The following TMTC3 variants were observed in gnomAD, a reference collection of about 807,000 sequenced individuals.
TMTC3 encodes protein O-mannosyl-transferase TMTC3.
In TMTC3, 52 loss-of-function variants were observed where a neutral mutation model predicts 92.2. That is an observed-to-expected ratio of 0.56 (90% confidence interval 0.45 to 0.71). The LOEUF is 0.71. Ranked by LOEUF, TMTC3 falls within the 30% of genes least tolerant of loss-of-function variation. TMTC3 has a pLI of 0.00. For missense variants in TMTC3, 896 were observed against 1,057.1 expected, an observed-to-expected ratio of 0.85 and a Z score of 2.11; for synonymous variants, 339 against 363.3, an observed-to-expected ratio of 0.93 and a Z score of 0.76.
At chr12:88,149,493 A>T (rs1448084214) in intron 2 of TMTC3, among the ~76,000 whole-genome samples, 3 of 152,216 alleles carry the variant, frequency 2.0e-5, no homozygotes, top group African/African-American at 7.2e-5. Flanking sequence ...CTAAAATTCT[A>T]TATTAATAAA....
rs1246409956 is a variant in TMTC3, at chr12:88,154,400, C to T, written c.508+13C>T. On this transcript the variant is annotated intron_variant, in intron 4 of 13. Coordinates refer to ENST00000266712, the MANE Select transcript of TMTC3 (RefSeq NM_181783.4). ...GACAATTCCATAAGTACATGTCTCA[C>T]ATTTGATTTTTTTTTAATAGTGCTA... 5.8e-6 allele frequency: 9 copies of T among 1,551,508 alleles called. No individual in the cohort carries two copies. Among genetic ancestry groups the T allele is most frequent in the Non-Finnish European group, 6.9e-6 (8 of 1,152,920 alleles).
chr12:88,167,360 C>T (rs1186821608), intron 7 of TMTC3, among the ~76,000 whole-genome samples: 1 of 152,116 alleles, frequency 6.6e-6, no homozygotes, highest in African/African-American at 2.4e-5. Context: ...GCTGAGATTG[C>T]GCCACTGCAC....
chr12:88,167,783 A>G (rs1276297177), intron 7 of TMTC3, among the ~76,000 whole-genome samples: 1 of 152,226 alleles, frequency 6.6e-6, no homozygotes, highest in African/African-American at 2.4e-5. Flanking sequence ...CATTTTGAAC[A>G]GCACTTTATG....
At chr12:88,155,824 A>C (rs2041002050) in intron 4 of TMTC3, among the ~76,000 whole-genome samples, 1 of 152,030 alleles carries the variant, frequency 6.6e-6, no homozygotes, top group Non-Finnish European at 1.5e-5. Flanking sequence ...AGAATTACTT[A>C]TTTGGGCTGG....
chr12:88,185,225 C>T (rs1372370120), intron 10 of TMTC3, among the ~76,000 whole-genome samples: 5 of 152,002 alleles, frequency 3.3e-5, no homozygotes, highest in Non-Finnish European at 5.9e-5. Context: ...TTTCTGATAC[C>T]TCCCTCTTAC....
chr12:88,148,513 T>G lies in TMTC3; in HGVS notation c.189+9T>G. On this transcript the variant is annotated intron_variant, in intron 2 of 13. Coordinates refer to ENST00000266712, the MANE Select transcript of TMTC3 (RefSeq NM_181783.4). ...GAACCCCTATGTCTGAGGTAAGTAA[T>G]TACTTACATATTACTTGTACATGTC... 6.4e-7 allele frequency: 1 copy of G among 1,573,812 alleles called. No individual in the cohort carries two copies. Among genetic ancestry groups the G allele is most frequent in the Non-Finnish European group, 8.7e-7 (1 of 1,154,944 alleles).
chr12:88,153,557 A>G lies in TMTC3; in HGVS notation c.408+48A>G, dbSNP rs1382451092. ...TTTTTTTCTTTTTCCTTTTTTACAAATCCTGCACAGTGATTATAATGGTAT... is the reference window on the plus strand; with the variant it reads ...TTTTTTTCTTTTTCCTTTTTTACAAGTCCTGCACAGTGATTATAATGGTAT... On this transcript the variant is annotated intron_variant, in intron 3 of 13. Coordinates refer to ENST00000266712, the MANE Select transcript of TMTC3 (RefSeq NM_181783.4). 3 of 1,127,566 alleles carry G rather than the reference A, an allele frequency of 2.7e-6. No individual in the cohort carries two copies. The South Asian group carries it at 4.3e-5, about 16-fold the overall frequency. The allele number at this position is 1,127,566 out of a possible 1,614,324, so 69.8% of individuals were successfully genotyped here.
At chr12:88,162,597 CTGAAT>C (rs2041092636) in intron 6 of TMTC3, among the ~76,000 whole-genome samples, 1 of 152,126 alleles carries the variant, frequency 6.6e-6, no homozygotes, top group Non-Finnish European at 1.5e-5. Context: ...TTTCTTACCT[CTGAAT>C]CTGTTTTCAT....
At chr12:88,173,137 C>T in intron 8 of TMTC3, 1 of 1,169,248 alleles carries the variant, frequency 8.6e-7, no homozygotes, top group Non-Finnish European at 1.1e-6. Flanking sequence ...AGTAAGCAAT[C>T]TGTAATTTCT....
intron 10 of TMTC3, among the ~76,000 whole-genome samples, chr12:88,182,161 G>A (rs1001139991): frequency 6.6e-6 from 1 of 152,224 alleles, no homozygotes; most frequent in Non-Finnish European, 1.5e-5. Flanking sequence ...GGGAGATAGT[G>A]TTTTAGTCCC....
chr12:88,178,027 G>A (rs1264240141), intron 10 of TMTC3, among the ~76,000 whole-genome samples: 1 of 152,136 alleles, frequency 6.6e-6, no homozygotes, highest in African/African-American at 2.4e-5. Context: ...GCAGATAATA[G>A]AGTTAAATTA....
intron 13 of TMTC3, among the ~76,000 whole-genome samples, chr12:88,193,829 C>T (rs1248104923): frequency 6.6e-6 from 1 of 152,050 alleles, no homozygotes; most frequent in East Asian, 1.9e-4. Context: ...GAAGGATGCT[C>T]ATTATTCGAC....
intron 7 of TMTC3, among the ~76,000 whole-genome samples, chr12:88,170,451 A>G (rs759323589): frequency 3.9e-5 from 6 of 152,112 alleles, no homozygotes; most frequent in South Asian, 2.1e-4. Flanking sequence ...AGTGAATTCT[A>G]TGCACTCTTA....
At chr12:88,161,663 T>G (rs1342791596) in intron 6 of TMTC3, among the ~76,000 whole-genome samples, 1 of 151,874 alleles carries the variant, frequency 6.6e-6, no homozygotes, top group Non-Finnish European at 1.5e-5. Flanking sequence ...TTTGGATTCT[T>G]TTTTTAATAT....
intron 5 of TMTC3, among the ~76,000 whole-genome samples, 180 bp downstream of exon 5, chr12:88,160,409 A>G (rs2041062566): frequency 6.6e-6 from 1 of 152,110 alleles, no homozygotes; most frequent in Non-Finnish European, 1.5e-5. Context: ...ACATTTTATG[A>G]TACTTTAAGT....
intron 4 of TMTC3, among the ~76,000 whole-genome samples, chr12:88,154,821 T>C (rs1404037858): frequency 6.6e-6 from 1 of 152,202 alleles, no homozygotes; most frequent in East Asian, 1.9e-4. Flanking sequence ...TAGCTATTTA[T>C]TGAGCTCCTA....
At chr12:88,168,204 T>C (rs961607818) in intron 7 of TMTC3, among the ~76,000 whole-genome samples, 1 of 152,204 alleles carries the variant, frequency 6.6e-6, no homozygotes, top group African/African-American at 2.4e-5. Context: ...TAACAGATGC[T>C]CTTGAGGGGG....
chr12:88,150,045 G>A (rs554001620), intron 2 of TMTC3, among the ~76,000 whole-genome samples: 14 of 152,186 alleles, frequency 9.2e-5, no homozygotes, highest in South Asian at 8.3e-4. Flanking sequence ...TTCTAGATTA[G>A]GCTATTCTTG....
At chr12:88,170,050 C>G (rs1004260455) in intron 7 of TMTC3, among the ~76,000 whole-genome samples, 6 of 152,104 alleles carry the variant, frequency 3.9e-5, no homozygotes, top group African/African-American at 1.4e-4. Flanking sequence ...ACTCTTTGCT[C>G]TTTCTACTAA....
Sources: gnomAD v4.1 joint callset for allele counts (sites outside exome capture counted in the v4.1 genomes callset) on GRCh38, gnomAD v4.1.1 for gene constraint, MANE v1.5 for transcripts, NCBI Gene and HGNC (gene_info 2026-07-23, HGNC 2026-07-21) for gene names.